HMBOX1: variants seen among roughly 807,000 people sequenced by gnomAD.
HMBOX1 encodes homeobox-containing protein 1.
In HMBOX1, 14 loss-of-function variants were observed where a neutral mutation model predicts 54.5. The observed-to-expected ratio is 0.26, with a 90% confidence interval of 0.17 to 0.40. The LOEUF is 0.40. HMBOX1 is among the 10% of genes least tolerant of loss of function. HMBOX1 has a pLI of 1.00. For missense variants in HMBOX1, 332 were observed against 514.4 expected (o/e 0.65, Z 3.43); for synonymous variants, 160 against 181.0 (o/e 0.88, Z 0.93).
intron 4 of HMBOX1, among the ~76,000 whole-genome samples, chr8:29,006,824 A>T (rs1464887264): frequency 6.6e-6 from 1 of 152,194 alleles, no homozygotes; most frequent in Non-Finnish European, 1.5e-5. Context: ...AAGATTTCAT[A>T]TTGGAACCAG....
chr8:28,952,204 A>G (rs545229086), intron 1 of HMBOX1, among the ~76,000 whole-genome samples: 1 of 151,734 alleles, frequency 6.6e-6, no homozygotes, highest in East Asian at 1.9e-4. Context: ...AGAAAACCAT[A>G]TCCAACTGGA....
intron 1 of HMBOX1, among the ~76,000 whole-genome samples, chr8:28,919,052 G>A (rs1296530919): frequency 6.6e-6 from 1 of 152,246 alleles, no homozygotes; most frequent in Non-Finnish European, 1.5e-5. Context: ...GAAAGTGACA[G>A]AATATTGACT....
chr8:29,049,426 T>C (rs1806107379), intron 9 of HMBOX1: 2 of 1,520,318 alleles, frequency 1.3e-6, no homozygotes, highest in Non-Finnish European at 1.8e-6. Flanking sequence ...ACACACTCAG[T>C]GTTTGAGAAA....
intron 4 of HMBOX1, among the ~76,000 whole-genome samples, chr8:28,982,651 A>C (rs1563521356): frequency 6.8e-6 from 1 of 147,906 alleles, no homozygotes; most frequent in African/African-American, 2.5e-5. Flanking sequence ...TTTGAGTTGG[A>C]GTCTTGCTCT....
In HMBOX1 at chr8:29,047,379, A is replaced by G; in HGVS notation, c.956A>G (p.Glu319Gly). 6.2e-7 allele frequency: 1 copy of G among 1,608,542 alleles called. No homozygotes were observed. The highest frequency in any genetic ancestry group is 1.1e-5 in the South Asian group (1 of 90,950). Reference protein sequence around the residue: ...QKPGKKLSDLERVTSLKVYNW... With the variant: ...QKPGKKLSDLGRVTSLKVYNW... ...ACAGGCAAAAAGCTGTCAGATCTGG[A>G]AAGAGTTACCTCCCTGAAAGTATAT... The change falls in exon 8 of 10, where the codon GAA becomes GGA. Residue 319 changes from glutamate to glycine, a missense_variant. By Grantham distance (98) the Glu-to-Gly change is moderately conservative. Coordinates refer to ENST00000287701, the MANE Select transcript of HMBOX1 (RefSeq NM_001135726.3).
At chr8:29,006,707 C>A (rs942153523) in intron 4 of HMBOX1, among the ~76,000 whole-genome samples, 1 of 152,064 alleles carries the variant, frequency 6.6e-6, no homozygotes, top group Admixed American at 6.6e-5. Context: ...TAACTAATGT[C>A]CGTTTGATGA....
intron 6 of HMBOX1, among the ~76,000 whole-genome samples, chr8:29,035,968 T>G (rs1022913465): frequency 6.6e-6 from 1 of 152,202 alleles, no homozygotes; most frequent in Non-Finnish European, 1.5e-5. Context: ...AATTGTTACA[T>G]AGTAATAAGA....
chr8:29,005,865 G>C (rs868487312), intron 4 of HMBOX1, among the ~76,000 whole-genome samples: 7 of 151,828 alleles, frequency 4.6e-5, no homozygotes, highest in South Asian at 2.1e-4. Context: ...TGTGTTATAG[G>C]TTTTTCAGTT....
At chr8:28,951,523 A>G (rs1181086359) in intron 1 of HMBOX1, among the ~76,000 whole-genome samples, 1 of 152,238 alleles carries the variant, frequency 6.6e-6, no homozygotes, top group East Asian at 1.9e-4. Flanking sequence ...GGAAAAAGAC[A>G]GTGAAAATAA....
chr8:28,900,271 A>ATATATAT lies in HMBOX1; in HGVS notation c.-58+9593_-58+9594insTATATAT, dbSNP rs1554519262. Among the ~76,000 whole-genome samples, 115 of 70,326 alleles carry ATATATAT rather than the reference A, an allele frequency of 1.6e-3. 1 individual carries two copies. The highest frequency in any genetic ancestry group is 9.3e-3 in the Middle Eastern group (1 of 108). The allele number at this position is 70,326 out of a possible 152,430, so 46.1% of individuals were successfully genotyped here. On this transcript the variant is annotated intron_variant, in intron 1 of 9. Coordinates refer to ENST00000287701, the MANE Select transcript of HMBOX1 (RefSeq NM_001135726.3). ...TTCCGTCTCAAAAAAAAAAAAAAAA[A>ATATATAT]ATATATATATATATATATATTTTGT...
intron 6 of HMBOX1, among the ~76,000 whole-genome samples, chr8:29,041,827 A>T (rs1169251170): frequency 6.6e-6 from 1 of 151,228 alleles, no homozygotes; most frequent in Non-Finnish European, 1.5e-5. Flanking sequence ...TTGCGGGGGG[A>T]CTTTGAACAC....
At chr8:29,027,894 A>C (rs1028663486) in intron 6 of HMBOX1, among the ~76,000 whole-genome samples, 4 of 152,232 alleles carry the variant, frequency 2.6e-5, no homozygotes, top group African/African-American at 9.6e-5. Flanking sequence ...GTTTGTAATT[A>C]AAACTATTGC....
intron 2 of HMBOX1, among the ~76,000 whole-genome samples, chr8:28,968,061 T>C (rs1826741471): frequency 6.6e-6 from 1 of 152,220 alleles, no homozygotes; most frequent in Admixed American, 6.5e-5. Flanking sequence ...TGAAATGGAA[T>C]AGACTATCCA....
Position 29,053,011 on chromosome 8 carries a change from C to T in HMBOX1, c.*1856C>T, listed in dbSNP as rs1198247120. The T allele has an allele frequency of 6.6e-6, 1 of 152,444 alleles. No individual in the cohort carries two copies. The highest frequency in any genetic ancestry group is 1.9e-4 in the East Asian group (1 of 5,204). 9.4% of individuals were successfully genotyped at this position (152,444 alleles called of 1,614,324 possible). A position where few individuals can be genotyped will look rare whatever the true frequency, so the allele number is the denominator to read the frequency against. ...ACTGAATGACCTTCCTCAGTTTTCC[C>T]TTTCTCATTCAGGAGATACTGAATA... On this transcript the variant is annotated 3_prime_UTR_variant, in exon 10 of 10. Transcript: ENST00000287701.
intron 7 of HMBOX1, among the ~76,000 whole-genome samples, chr8:29,046,148 A>G (rs1370133755): frequency 1.3e-5 from 2 of 152,244 alleles, no homozygotes; most frequent in African/African-American, 4.8e-5. Context: ...AAAAGTATCA[A>G]TGTTTTATAG....
At chr8:28,954,633 T>C (rs1824071484) in intron 1 of HMBOX1, among the ~76,000 whole-genome samples, 1 of 152,066 alleles carries the variant, frequency 6.6e-6, no homozygotes, top group Admixed American at 6.5e-5. Context: ...AAGATGGGAG[T>C]ATAAACTGGT....
chr8:28,897,014 C>T (rs1392835113), intron 1 of HMBOX1, among the ~76,000 whole-genome samples: 6 of 129,000 alleles, frequency 4.7e-5, no homozygotes, highest in African/African-American at 9.0e-5. Flanking sequence ...GATGGAGTTT[C>T]GCTCTTGTTA....
intron 1 of HMBOX1, among the ~76,000 whole-genome samples, chr8:28,933,250 A>G (rs549101133): frequency 7.9e-5 from 12 of 151,920 alleles, no homozygotes; most frequent in African/African-American, 2.7e-4. Flanking sequence ...TTGCAACCAC[A>G]CTCTCCAAGT....
rs576704470 is a variant in HMBOX1, at chr8:29,004,542, C to T, written c.587-4530C>T. Among the ~76,000 whole-genome samples the T allele has an allele frequency of 5.9e-5, 9 of 152,302 alleles. No homozygotes were observed. The South Asian group carries it at 1.9e-3, about 32-fold the overall frequency. On this transcript the variant is annotated intron_variant, in intron 4 of 9. Coordinates refer to ENST00000287701, the MANE Select transcript of HMBOX1 (RefSeq NM_001135726.3). The stretch of plus-strand genomic sequence containing the variant: ...TGTTTGAGGAACAGGTAGCCTGATG[C>T]AGCTGCTCAGAAAATAATGTGAATG...
Sources: gnomAD v4.1 joint callset for allele counts (sites outside exome capture counted in the v4.1 genomes callset) on GRCh38, gnomAD v4.1.1 for gene constraint, MANE v1.5 for transcripts, NCBI Gene and HGNC (gene_info 2026-07-23, HGNC 2026-07-21) for gene names.